The following KLK15 variants were observed in gnomAD, a reference collection of about 807,000 sequenced individuals.
KLK15 encodes the protein kallikrein-15.
KLK15 carries 19 observed loss-of-function variants against 21.1 expected under a neutral mutation model. That is an observed-to-expected ratio of 0.90 (90% CI 0.63 to 1.32). The LOEUF is 1.32. Among genes scored for constraint, KLK15 ranks in the 40% most tolerant of loss-of-function variants. The pLI is 0.00. For missense variants in KLK15, 345 were observed against 348.6 expected (o/e 0.99, Z 0.08); for synonymous variants, 141 against 141.5 (o/e 1.00, Z 0.03).
intron 4 of KLK15, 131 bp from the exon 6 acceptor site, chr19:50,826,079 A>C: frequency 1.5e-5 from 13 of 863,876 alleles, no homozygotes; most frequent in Non-Finnish European, 2.1e-5. Flanking sequence ...AACTCAACTC[A>C]ATACAGCCCA....
upstream of KLK15, among the ~76,000 whole-genome samples, chr19:50,831,916 A>G (rs1158400464): frequency 6.7e-6 from 1 of 150,068 alleles, no homozygotes; most frequent in East Asian, 2.0e-4. Context: ...GGTTCACACC[A>G]TTCTCCCGCC....
At chr19:50,826,596 C>T (rs1199840343) in intron 4 of KLK15, 25 bp downstream of exon 5, 1 of 1,560,978 alleles carries the variant, frequency 6.4e-7, no homozygotes, top group Non-Finnish European at 8.6e-7. Flanking sequence ...TCTTCTTCCG[C>T]CTGATGGCCC....
chr19:50,825,587 C>T, downstream of KLK15: 1 of 458,002 alleles, frequency 2.2e-6, no homozygotes. Flanking sequence ...TCCTACAGAG[C>T]AACTTGGATC....
intron 2 of KLK15, among the ~76,000 whole-genome samples, 181 bp from the exon 4 acceptor site, chr19:50,827,342 C>G (rs1201976274): frequency 6.8e-6 from 1 of 146,202 alleles, no homozygotes; most frequent in African/African-American, 2.5e-5. Context: ...TCCTCAAGGA[C>G]CAACGAGTCT....
chr19:50,828,963 C>T (rs2089933074), intron 1 of KLK15, among the ~76,000 whole-genome samples: 1 of 104,012 alleles, frequency 9.6e-6, no homozygotes, highest in Admixed American at 1.3e-4. Flanking sequence ...GAGTGAAACT[C>T]CATCTCAAAA....
chr19:50,829,637 A>AAAAT lies in KLK15; in HGVS notation c.43+1809_43+1812dup, dbSNP rs899126369. On this transcript the variant is annotated intron_variant, in intron 1 of 4. Transcript: ENST00000598239. ...CATCGTGAAATCCCGTCTCTACTAA[A>AAAAT]AAATAAATAAATAAATAAATAAAAA... 2.8e-4 allele frequency among the ~76,000 whole-genome samples: 42 copies of AAAAT among 151,788 alleles called. 1 individual carries two copies. The highest frequency in any genetic ancestry group is 8.3e-4 in the South Asian group (4 of 4,810).
chr19:50,827,084 A>C, exon 3 of KLK15: 1 of 1,606,068 alleles, frequency 6.2e-7, no homozygotes, highest in Non-Finnish European at 8.5e-7. Context: ...GTGTGGAATG[A>C]CCCGAGACGT....
At chr19:50,829,741 T>C (rs2089949683) in intron 1 of KLK15, among the ~76,000 whole-genome samples, 1 of 151,756 alleles carries the variant, frequency 6.6e-6, no homozygotes, top group Non-Finnish European at 1.5e-5. Flanking sequence ...TGCTTGAACC[T>C]GGGAGGCGGA....
chr19:50,829,311 A>ATG (rs1365189777), intron 1 of KLK15, among the ~76,000 whole-genome samples: 1 of 151,514 alleles, frequency 6.6e-6, no homozygotes. Flanking sequence ...AGGAATGTGT[A>ATG]TGTGTGTGTG....
At chr19:50,829,602 G>A (rs761888129) in intron 1 of KLK15, among the ~76,000 whole-genome samples, 1 of 151,664 alleles carries the variant, frequency 6.6e-6, no homozygotes, top group Non-Finnish European at 1.5e-5. Context: ...TTTGAGACCA[G>A]CCTGGCCAAC....
intron 2 of KLK15, 134 bp from the exon 4 acceptor site, chr19:50,827,295 T>C (rs2089902684): frequency 1.2e-6 from 1 of 858,420 alleles, no homozygotes; most frequent in Non-Finnish European, 1.7e-6. Flanking sequence ...CCATTACCTT[T>C]TCCCAAGACC....
At chr19:50,829,099 T>C (rs538345807) in intron 1 of KLK15, among the ~76,000 whole-genome samples, 1 of 150,606 alleles carries the variant, frequency 6.6e-6, no homozygotes, top group African/African-American at 2.4e-5. Flanking sequence ...CAGAATTGGA[T>C]ATTGTTCAGA....
rs377486915 is a variant in KLK15 at position 50,826,582 on chromosome 19, T to A, written c.618+39A>T. On this transcript the variant is annotated intron_variant, in intron 4 of 4. Coordinates refer to ENST00000598239, the Ensembl canonical transcript of KLK15. ...ATCCGGACTCCCACACCTGTCCCCATCCCTCTTCTTCCGCCTGATGGCCCC... is the reference window on the plus strand; with the variant it reads ...ATCCGGACTCCCACACCTGTCCCCAACCCTCTTCTTCCGCCTGATGGCCCC... 988 of 1,546,070 alleles carry A rather than the reference T, an allele frequency of 6.4e-4. 1 individual carries two copies. The highest frequency in any genetic ancestry group is 8.0e-4 in the Non-Finnish European group (922 of 1,149,708).
At chr19:50,828,728 G>A (rs2089927013) in intron 1 of KLK15, among the ~76,000 whole-genome samples, 1 of 151,494 alleles carries the variant, frequency 6.6e-6, no homozygotes. Flanking sequence ...AGCACTTTGG[G>A]AGGCCGAGGC....
At chr19:50,831,391 A>G in intron 1 of KLK15, 59 bp downstream of exon 2, 1 of 1,270,982 alleles carries the variant, frequency 7.9e-7, no homozygotes. Context: ...GGGCCCAGAC[A>G]TGCTTGGGAA....
chr19:50,825,779 G>A (rs2089869200), exon 5 of KLK15: 1 of 1,610,372 alleles, frequency 6.2e-7, no homozygotes, highest in East Asian at 2.2e-5. Flanking sequence ...AGGGGCACAG[G>A]AGATAGGCTA....
At chr19:50,828,148 G>A (rs1048338474) in intron 1 of KLK15, among the ~76,000 whole-genome samples, 1 of 151,410 alleles carries the variant, frequency 6.6e-6, no homozygotes, top group African/African-American at 2.4e-5. Context: ...GTCTCACCAT[G>A]TTAGCCAGGG....
chr19:50,825,922 A>C, exon 5 of KLK15: 1 of 1,613,784 alleles, frequency 6.2e-7, no homozygotes, highest in Non-Finnish European at 8.5e-7. Flanking sequence ...GGATGCCCCC[A>C]CAGACCAGGG....
At chr19:50,831,452 G>A (rs761216276) in exon 1 of KLK15, 2 of 1,436,260 alleles carry the variant, frequency 1.4e-6, no homozygotes, top group Non-Finnish European at 1.8e-6. Flanking sequence ...CACCTCACCT[G>A]TGGATGCCAG....
Sources: gnomAD v4.1 joint callset for allele counts (sites outside exome capture counted in the v4.1 genomes callset) on GRCh38, gnomAD v4.1.1 for gene constraint, MANE v1.5 for transcripts, NCBI Gene and HGNC (gene_info 2026-07-23, HGNC 2026-07-21) for gene names.